CACNA2D3: variants seen among roughly 807,000 people sequenced by gnomAD.
CACNA2D3 encodes the protein calcium voltage-gated channel auxiliary subunit alpha2delta 3.
CACNA2D3 carries 60 observed loss-of-function variants against 160.6 expected under a neutral mutation model. The ratio of observed to expected loss-of-function variants is 0.37; its 90% confidence interval spans 0.30 to 0.46. CACNA2D3 has a LOEUF of 0.46. Ranked by LOEUF, CACNA2D3 falls within the 20% of genes least tolerant of loss-of-function variation. The probability of loss-of-function intolerance (pLI) is 1.00; values close to 1 mark genes in which losing one functional copy is unlikely to be tolerated. For synonymous variants in CACNA2D3, 558 were observed against 492.9 expected (o/e 1.13, Z -1.75); for missense variants, 1,205 against 1,365.0 (o/e 0.88, Z 1.85).
intron 13 of CACNA2D3, among the ~76,000 whole-genome samples, chr3:54,806,774 G>A (rs533234768): frequency 2.4e-4 from 36 of 151,984 alleles, no homozygotes; most frequent in African/African-American, 7.7e-4. Flanking sequence ...GAACAAAGCT[G>A]GAGGCATCAC....
At chr3:54,150,618 C>T (rs772807969) in intron 2 of CACNA2D3, among the ~76,000 whole-genome samples, 1 of 152,230 alleles carries the variant, frequency 6.6e-6, no homozygotes, top group African/African-American at 2.4e-5. Flanking sequence ...ATTATTATTT[C>T]TCTTATTATA....
At chr3:54,429,676 A>T (rs571562063) in intron 4 of CACNA2D3, among the ~76,000 whole-genome samples, 67 of 152,026 alleles carry the variant, frequency 4.4e-4, no homozygotes, top group African/African-American at 1.4e-3. Flanking sequence ...ACTTTGCCAG[A>T]CTCTACTCAA....
chr3:54,923,563 C>T (rs1385440672), intron 27 of CACNA2D3, among the ~76,000 whole-genome samples: 1 of 152,184 alleles, frequency 6.6e-6, no homozygotes, highest in Non-Finnish European at 1.5e-5. Context: ...TATTTATCAT[C>T]TTATTTAACA....
chr3:54,798,108 G>A (rs1370931890), intron 13 of CACNA2D3, among the ~76,000 whole-genome samples: 2 of 152,148 alleles, frequency 1.3e-5, no homozygotes, highest in African/African-American at 4.8e-5. Context: ...AATATTATCT[G>A]TCTTAGAAAA....
Position 54,181,117 on chromosome 3 carries a change from C to T in CACNA2D3, c.204+57523C>T, listed in dbSNP as rs142858688. 9.0e-3 allele frequency among the ~76,000 whole-genome samples: 1,364 copies of T among 152,290 alleles called. 17 individuals are homozygous for T. Among genetic ancestry groups the T allele is most frequent in the Middle Eastern group, 0.02 (6 of 294 alleles). On this transcript the variant is annotated intron_variant, in intron 2 of 37. Transcript: ENST00000474759. Reference sequence around the variant, plus strand: ...ACAGCTGACACTGAGAGTATTCACCCTTCACTTACTGTGAAAAAGGGTTTG... The same window carrying T: ...ACAGCTGACACTGAGAGTATTCACCTTTCACTTACTGTGAAAAAGGGTTTG...
intron 4 of CACNA2D3, among the ~76,000 whole-genome samples, chr3:54,500,157 T>C (rs1473325738): frequency 2.0e-5 from 3 of 152,214 alleles, no homozygotes; most frequent in African/African-American, 7.2e-5. Flanking sequence ...GCCTATCTTA[T>C]TCCTTGATAA....
intron 13 of CACNA2D3, among the ~76,000 whole-genome samples, chr3:54,800,916 T>C (rs1039512557): frequency 3.9e-5 from 6 of 152,174 alleles, no homozygotes; most frequent in African/African-American, 1.2e-4. Context: ...ATATTCTCTA[T>C]GCCTTTAACT....
chr3:54,431,908 G>C (rs114583943), intron 4 of CACNA2D3, among the ~76,000 whole-genome samples: 1 of 152,058 alleles, frequency 6.6e-6, no homozygotes, highest in Non-Finnish European at 1.5e-5. Context: ...ACACCTGGCC[G>C]ACTTTATAGC....
At chr3:54,421,790 G>A (rs566591289) in intron 4 of CACNA2D3, among the ~76,000 whole-genome samples, 1 of 152,158 alleles carries the variant, frequency 6.6e-6, no homozygotes, top group South Asian at 2.1e-4. Context: ...TGCCCTAGGC[G>A]ACTTCACGTT....
chr3:54,840,422 T>C (rs1365716229), intron 16 of CACNA2D3, among the ~76,000 whole-genome samples: 21 of 143,272 alleles, frequency 1.5e-4, no homozygotes, highest in Non-Finnish European at 3.2e-4. Context: ...TTTTTTTTTT[T>C]TTTTTTGAGA....
chr3:54,484,030 C>T (rs567260452), intron 4 of CACNA2D3, among the ~76,000 whole-genome samples: 96 of 152,268 alleles, frequency 6.3e-4, no homozygotes, highest in Middle Eastern at 3.4e-3. Flanking sequence ...GTAGGACCTT[C>T]AGATGGTTAT....
intron 35 of CACNA2D3, among the ~76,000 whole-genome samples, chr3:55,062,985 C>A (rs577661773): frequency 5.3e-5 from 8 of 152,336 alleles, no homozygotes; most frequent in Admixed American, 3.3e-4. Context: ...GCATTTAATT[C>A]CACACACAAA....
At chr3:54,493,906 T>C (rs1701156122) in intron 4 of CACNA2D3, among the ~76,000 whole-genome samples, 1 of 152,236 alleles carries the variant, frequency 6.6e-6, no homozygotes. Flanking sequence ...AAATATTTAC[T>C]GTCTGACCCT....
chr3:54,462,291 G>A (rs1700521125), intron 4 of CACNA2D3, among the ~76,000 whole-genome samples: 3 of 152,142 alleles, frequency 2.0e-5, no homozygotes, highest in Admixed American at 2.0e-4. Context: ...TGTCTATTAG[G>A]TCCACTTGGT....
chr3:54,128,590 G>C (rs879371032), intron 2 of CACNA2D3, among the ~76,000 whole-genome samples: 3 of 152,172 alleles, frequency 2.0e-5, no homozygotes, highest in Admixed American at 2.0e-4. Flanking sequence ...TAGATGCTAT[G>C]ATGCCAACAA....
chr3:54,916,495 T>A (rs1700662541), intron 27 of CACNA2D3, among the ~76,000 whole-genome samples: 1 of 152,216 alleles, frequency 6.6e-6, no homozygotes, highest in Admixed American at 6.5e-5. Flanking sequence ...GTATTTCAGT[T>A]TCTTTCGATA....
intron 2 of CACNA2D3, among the ~76,000 whole-genome samples, chr3:54,131,119 G>C (rs1194775292): frequency 6.6e-6 from 1 of 152,206 alleles, no homozygotes. Flanking sequence ...AAGCTCTTCA[G>C]GTAATCTTCA....
At chr3:54,157,300 A>G (rs1297829981) in intron 2 of CACNA2D3, among the ~76,000 whole-genome samples, 2 of 152,154 alleles carry the variant, frequency 1.3e-5, no homozygotes, top group Non-Finnish European at 2.9e-5. Flanking sequence ...CTCCACCTCC[A>G]TTACCAATGG....
chr3:55,071,127 T>A (rs1457271144), intron 35 of CACNA2D3, among the ~76,000 whole-genome samples: 1 of 152,184 alleles, frequency 6.6e-6, no homozygotes, highest in East Asian at 1.9e-4. Context: ...TTTAATGATA[T>A]TTATTTTACT....
Sources: allele counts gnomAD v4.1 joint callset (sites outside exome capture counted in the v4.1 genomes callset), GRCh38; gene constraint gnomAD v4.1.1; transcripts MANE v1.5; gene names NCBI Gene and HGNC (gene_info 2026-07-23, HGNC 2026-07-21).